TANC2: variants seen among roughly 807,000 people sequenced by gnomAD.
TANC2 encodes the protein tetratricopeptide repeat, ankyrin repeat and coiled-coil containing 2.
In TANC2, 26 loss-of-function variants were observed where a neutral mutation model predicts 210.5. That is an observed-to-expected ratio of 0.12 (90% CI 0.09 to 0.17). The LOEUF is 0.17. Ranked by LOEUF, TANC2 falls within the 10% of genes least tolerant of loss-of-function variation. The pLI is 1.00. For synonymous variants in TANC2, 931 were observed against 967.1 expected (o/e 0.96, Z 0.69); for missense variants, 2,129 against 2,608.9 (o/e 0.82, Z 4.01).
chr17:63,163,905 G>C (rs1010609472), intron 5 of TANC2, among the ~76,000 whole-genome samples: 1 of 152,192 alleles, frequency 6.6e-6, no homozygotes, highest in African/African-American at 2.4e-5. Context: ...ATACATGTTT[G>C]TTTTTTGGCA....
chr17:63,319,381 G>A (rs140906959), intron 11 of TANC2, among the ~76,000 whole-genome samples: 1 of 152,298 alleles, frequency 6.6e-6, no homozygotes, highest in African/African-American at 2.4e-5. Context: ...GTTTCTCTCG[G>A]TTTCCTGGGC....
At position 63,089,984 on chromosome 17, in the gene TANC2, A is replaced by G. The variant is rs143723469; in HGVS notation, c.140-9191A>G. On this transcript the variant is annotated intron_variant, in intron 3 of 27. Coordinates refer to ENST00000689528, the Ensembl canonical transcript of TANC2. ...GTAAAATTTGCCATTTTAAGTGTAC[A>G]TACCATGAATTTTTAAAACATATAT... 8.6e-3 allele frequency among the ~76,000 whole-genome samples: 1,316 copies of G among 152,302 alleles called. 12 individuals carry two copies. The highest frequency in any genetic ancestry group is 0.031 in the Middle Eastern group (9 of 294).
At chr17:63,137,701 C>T (rs1245801404) in intron 4 of TANC2, among the ~76,000 whole-genome samples, 1 of 152,046 alleles carries the variant, frequency 6.6e-6, no homozygotes, top group African/African-American at 2.4e-5. Context: ...ATTCAATTAA[C>T]AAATAATGAT....
chr17:63,298,977 T>G (rs1049999217), intron 9 of TANC2, among the ~76,000 whole-genome samples: 15 of 152,044 alleles, frequency 9.9e-5, no homozygotes, highest in Non-Finnish European at 1.9e-4. Context: ...TGTGTCCTTG[T>G]TATTCTCAGT....
chr17:63,220,858 G>GTA (rs1396393670), intron 7 of TANC2, among the ~76,000 whole-genome samples: 3 of 149,510 alleles, frequency 2.0e-5, no homozygotes, highest in African/African-American at 7.4e-5. Context: ...ACGTATATAC[G>GTA]TATATATGTA....
chr17:63,138,132 A>G (rs937932704), intron 4 of TANC2, among the ~76,000 whole-genome samples: 3 of 152,172 alleles, frequency 2.0e-5, no homozygotes, highest in South Asian at 2.1e-4. Context: ...TACATGTGCA[A>G]TTTGTAAAAG....
intron 11 of TANC2, chr17:63,332,513 A>ACTG: frequency 2.5e-6 from 1 of 397,310 alleles, no homozygotes; most frequent in Non-Finnish European, 5.0e-6. Context: ...AATCAGCCCC[A>ACTG]CTGGATTTAG....
At chr17:63,405,206 G>A (rs750081650) in exon 20 of TANC2, 101 of 1,609,472 alleles carry the variant, frequency 6.3e-5, no homozygotes, top group Non-Finnish European at 8.1e-5. Context: ...CAGCCAAACC[G>A]CCGAGGAGCA....
At chr17:63,232,015 G>A (rs529042510) in intron 7 of TANC2, among the ~76,000 whole-genome samples, 4 of 152,120 alleles carry the variant, frequency 2.6e-5, no homozygotes, top group African/African-American at 4.8e-5. Context: ...TAGTCTTCAG[G>A]CTCTGAAATT....
chr17:63,098,782 TAG>T (rs1405243426), intron 3 of TANC2, among the ~76,000 whole-genome samples: 2 of 151,912 alleles, frequency 1.3e-5, no homozygotes, highest in Non-Finnish European at 2.9e-5. Context: ...GAGAAAGAAA[TAG>T]AGTTACAATG....
At chr17:63,171,227 C>T (rs555143496) in intron 5 of TANC2, among the ~76,000 whole-genome samples, 2 of 151,734 alleles carry the variant, frequency 1.3e-5, no homozygotes, top group Non-Finnish European at 2.9e-5. Flanking sequence ...GGATTACAGG[C>T]GCACACCACC....
chr17:63,138,418 T>C (rs1307711222), intron 4 of TANC2, among the ~76,000 whole-genome samples: 1 of 152,174 alleles, frequency 6.6e-6, no homozygotes, highest in Non-Finnish European at 1.5e-5. Flanking sequence ...TAGGCTGAAA[T>C]TGAGCTTGAG....
chr17:63,116,375 G>C (rs1392668850), intron 4 of TANC2, among the ~76,000 whole-genome samples: 1 of 152,210 alleles, frequency 6.6e-6, no homozygotes, highest in Non-Finnish European at 1.5e-5. Context: ...CCGTTTGGAA[G>C]CTATCCTACT....
At chr17:63,211,400 C>T (rs1004877278) in intron 7 of TANC2, among the ~76,000 whole-genome samples, 4 of 151,946 alleles carry the variant, frequency 2.6e-5, no homozygotes, top group Non-Finnish European at 5.9e-5. Flanking sequence ...GTTCTAGCGG[C>T]AATAGTTTTT....
intron 2 of TANC2, among the ~76,000 whole-genome samples, chr17:63,031,016 C>G (rs2034746162): frequency 6.6e-6 from 1 of 152,100 alleles, no homozygotes; most frequent in South Asian, 2.1e-4. Flanking sequence ...AGGCTTACCA[C>G]TTCGAAGATC....
intron 12 of TANC2, among the ~76,000 whole-genome samples, chr17:63,350,133 G>A (rs2046551597): frequency 6.6e-6 from 1 of 152,094 alleles, no homozygotes; most frequent in African/African-American, 2.4e-5. Flanking sequence ...TTTCAAATAT[G>A]GAAACAAAAT....
At chr17:63,192,301 G>A (rs1359423565) in intron 5 of TANC2, among the ~76,000 whole-genome samples, 4 of 152,212 alleles carry the variant, frequency 2.6e-5, no homozygotes, top group African/African-American at 9.6e-5. Context: ...TGTGGTAGCA[G>A]TATCTAATAT....
chr17:63,421,308 C>G lies in TANC2; in HGVS notation c.5578C>G (p.Gln1860Glu). Residue 1860 changes from glutamine to glutamate, a missense_variant, in exon 28 of 28, where the codon CAA becomes GAA. By Grantham distance (29) the Gln-to-Glu change is conservative. This residue lies in a region of TANC2 where 584 missense variants were observed against 627.3 expected (regional missense o/e 0.93). Transcript: ENST00000689528. This position sits in a 1 kb window ranked among gnomAD's most constrained non-coding sequence, Gnocchi z 6.9. ...AACTCCCAGGCCGTTGCTGCATTCCCAAAGTGTAGGCCTTCGCTTCTCTCC... is the reference window on the plus strand; with the variant it reads ...AACTCCCAGGCCGTTGCTGCATTCCGAAAGTGTAGGCCTTCGCTTCTCTCC... 2 of 1,614,064 alleles carry G rather than the reference C, an allele frequency of 1.2e-6. No homozygotes were observed. Among genetic ancestry groups the G allele is most frequent in the Non-Finnish European group, 1.7e-6 (2 of 1,179,908 alleles).
intron 5 of TANC2, among the ~76,000 whole-genome samples, chr17:63,164,129 CTTTTTTT>C (rs529912657): frequency 7.9e-6 from 1 of 126,822 alleles, no homozygotes; most frequent in African/African-American, 2.9e-5. Flanking sequence ...GCATCAGCAG[CTTTTTTT>C]TTTTTTTTTT....
Sources: allele counts gnomAD v4.1 joint callset (sites outside exome capture counted in the v4.1 genomes callset), GRCh38; gene constraint gnomAD v4.1.1; regional missense constraint gnomAD v4.1.1; non-coding constraint Gnocchi (gnomAD v3.1); transcripts MANE v1.5; gene names NCBI Gene and HGNC (gene_info 2026-07-23, HGNC 2026-07-21).